FILIP1L: variants seen among roughly 807,000 people sequenced by gnomAD.
FILIP1L encodes the protein filamin A interacting protein 1 like.
In FILIP1L, 55 loss-of-function variants were observed where a neutral mutation model predicts 96.6. That is an observed-to-expected ratio of 0.57 (90% confidence interval 0.46 to 0.71). The LOEUF (loss-of-function observed/expected upper bound fraction) is 0.71, where lower values mean the gene tolerates loss of function less well. FILIP1L is among the 30% of genes least tolerant of loss of function. The pLI is 0.00. For synonymous variants in FILIP1L, 467 were observed against 473.9 expected, an observed-to-expected ratio of 0.99 and a Z score of 0.19; for missense variants, 1,304 against 1,321.2, an observed-to-expected ratio of 0.99 and a Z score of 0.20.
chr3:100,066,517 C>CTTTTTT (rs545356638), intron 1 of FILIP1L, among the ~76,000 whole-genome samples: 13 of 38,322 alleles, frequency 3.4e-4, no homozygotes, highest in African/African-American at 4.5e-4. Flanking sequence ...GGCTTTGCTT[C>CTTTTTT]TTTTTTTTTT....
intron 1 of FILIP1L, among the ~76,000 whole-genome samples, chr3:100,105,307 A>C (rs1025441447): frequency 6.6e-6 from 1 of 152,190 alleles, no homozygotes; most frequent in Non-Finnish European, 1.5e-5. Flanking sequence ...TAGTTTGTTA[A>C]GTACTCAGGA....
chr3:100,049,967 C>A (rs1035163884), intron 1 of FILIP1L, among the ~76,000 whole-genome samples: 1 of 152,124 alleles, frequency 6.6e-6, no homozygotes, highest in Admixed American at 6.6e-5. Flanking sequence ...ACCCTAACTT[C>A]TGAGTTGTTC....
chr3:99,889,284 C>T (rs890387831), intron 4 of FILIP1L, among the ~76,000 whole-genome samples: 1 of 152,104 alleles, frequency 6.6e-6, no homozygotes, highest in African/African-American at 2.4e-5. Context: ...TAGATGCACA[C>T]AAATTCAAAC....
At chr3:99,919,999 G>GA (rs1163074729) in intron 4 of FILIP1L, among the ~76,000 whole-genome samples, 1 of 152,156 alleles carries the variant, frequency 6.6e-6, no homozygotes, top group Non-Finnish European at 1.5e-5. Context: ...TGGTGTTTGA[G>GA]AAGCTACCAT....
At position 99,999,129 on chromosome 3, in the gene FILIP1L, T is replaced by TATGCCATGAA. The variant is rs536256715; in HGVS notation, c.-10-68109_-10-68100dup. The stretch of plus-strand genomic sequence containing the variant: ...ATTTACAGTTGTTGAATGCCAGTTT[T>TATGCCATGAA]ATGCCATGAATTGTATTTAGTGTTG... On this transcript the variant is annotated intron_variant, in intron 1 of 5. Transcript: ENST00000477258. Among the ~76,000 whole-genome samples, 707 of 152,370 alleles carry TATGCCATGAA rather than the reference T, an allele frequency of 4.6e-3. 2 individuals carry two copies. Among genetic ancestry groups the TATGCCATGAA allele is most frequent in the South Asian group, 7.0e-3 (34 of 4,832 alleles).
At chr3:100,013,145 G>A (rs1399994074) in intron 1 of FILIP1L, among the ~76,000 whole-genome samples, 1 of 152,034 alleles carries the variant, frequency 6.6e-6, no homozygotes, top group African/African-American at 2.4e-5. Flanking sequence ...CCAAAGTGCT[G>A]GGATTGTTGG....
intron 1 of FILIP1L, among the ~76,000 whole-genome samples, chr3:100,096,399 G>A (rs566101958): frequency 6.6e-6 from 1 of 152,182 alleles, no homozygotes; most frequent in East Asian, 1.9e-4. Context: ...AGAAAATGTG[G>A]TACTTAAACA....
intron 4 of FILIP1L, among the ~76,000 whole-genome samples, chr3:99,886,600 C>CA (rs369804940): frequency 4.7e-5 from 7 of 149,956 alleles, no homozygotes; most frequent in Admixed American, 6.6e-5. Flanking sequence ...AACAAAGGCC[C>CA]AAAAAAAAAT....
intron 5 of FILIP1L, among the ~76,000 whole-genome samples, chr3:99,835,862 G>A (rs900479670): frequency 6.6e-6 from 1 of 152,190 alleles, no homozygotes; most frequent in Non-Finnish European, 1.5e-5. Context: ...TGACACATGA[G>A]GGATGAGTAG....
intron 1 of FILIP1L, among the ~76,000 whole-genome samples, chr3:99,939,736 T>C (rs1431436347): frequency 6.6e-6 from 1 of 152,194 alleles, no homozygotes; most frequent in Non-Finnish European, 1.5e-5. Flanking sequence ...CTTGTAATGA[T>C]ACCTTTCACA....
intron 3 of FILIP1L, chr3:99,925,781 A>G: frequency 4.5e-6 from 4 of 887,968 alleles, no homozygotes; most frequent in Non-Finnish European, 5.4e-6. Context: ...CTCATAAAGG[A>G]AGAACCAGGC....
At chr3:100,036,119 A>G (rs1398782314) in intron 1 of FILIP1L, among the ~76,000 whole-genome samples, 1 of 152,236 alleles carries the variant, frequency 6.6e-6, no homozygotes, top group Non-Finnish European at 1.5e-5. Flanking sequence ...ATGGTATAGT[A>G]GTTCCTAAAT....
chr3:100,029,985 G>GT (rs1285077860), intron 1 of FILIP1L, among the ~76,000 whole-genome samples: 41 of 152,288 alleles, frequency 2.7e-4, no homozygotes, highest in African/African-American at 9.9e-4. Flanking sequence ...CTTCACAGCT[G>GT]TTTGTAACTT....
At chr3:99,896,100 T>C (rs1186831580) in intron 4 of FILIP1L, among the ~76,000 whole-genome samples, 1 of 151,970 alleles carries the variant, frequency 6.6e-6, no homozygotes. Flanking sequence ...GAATAAACTT[T>C]TAGAAAAAAA....
chr3:100,047,282 A>T (rs928703587), intron 1 of FILIP1L, among the ~76,000 whole-genome samples: 14 of 152,248 alleles, frequency 9.2e-5, no homozygotes, highest in African/African-American at 3.4e-4. Context: ...TTTAGAAGAA[A>T]AAAAGGTTTT....
chr3:100,056,421 C>T (rs972699162), intron 1 of FILIP1L, among the ~76,000 whole-genome samples: 1 of 152,168 alleles, frequency 6.6e-6, no homozygotes, highest in African/African-American at 2.4e-5. Flanking sequence ...AAAGTGATTT[C>T]ATATTAAAAT....
intron 1 of FILIP1L, among the ~76,000 whole-genome samples, chr3:99,964,968 A>G (rs1708605614): frequency 6.6e-6 from 1 of 152,228 alleles, no homozygotes; most frequent in Admixed American, 6.5e-5. Context: ...ACCAAAAAGA[A>G]ACATGATCCT....
At chr3:100,108,626 G>A (rs915200956) in intron 1 of FILIP1L, among the ~76,000 whole-genome samples, 4 of 152,114 alleles carry the variant, frequency 2.6e-5, no homozygotes, top group Non-Finnish European at 5.9e-5. Context: ...TAGTGGTTGG[G>A]CATTGCCCTG....
intron 3 of FILIP1L, chr3:99,925,786 C>T: frequency 2.2e-6 from 2 of 893,212 alleles, no homozygotes; most frequent in Non-Finnish European, 2.7e-6. Context: ...AAAGGAAGAA[C>T]CAGGCAGTAA....
Sources: gnomAD v4.1 joint callset for allele counts (sites outside exome capture counted in the v4.1 genomes callset) on GRCh38, gnomAD v4.1.1 for gene constraint, MANE v1.5 for transcripts, NCBI Gene and HGNC (gene_info 2026-07-23, HGNC 2026-07-21) for gene names.